AKR1C8: variants seen among roughly 807,000 people sequenced by gnomAD.
The protein encoded by AKR1C8 is aldo-keto reductase family 1 member C-like protein 1.
the AKR1C8 span, among the ~76,000 whole-genome samples, chr10:5,120,136 G>A: frequency 6.6e-6 from 1 of 152,194 alleles, no homozygotes; most frequent in Non-Finnish European, 1.5e-5. Context: ...GCAAACAATA[G>A]CATGAGCGAT....
chr10:5,175,217 T>G, the AKR1C8 span, among the ~76,000 whole-genome samples: 1 of 148,248 alleles, frequency 6.7e-6, no homozygotes, highest in Non-Finnish European at 1.5e-5. Flanking sequence ...TGACTGAGAA[T>G]GTGCGATGTT....
chr10:5,143,565 A>G, the AKR1C8 span, among the ~76,000 whole-genome samples: 2 of 152,100 alleles, frequency 1.3e-5, no homozygotes, highest in Admixed American at 6.6e-5. Flanking sequence ...AAATGAGGCA[A>G]TCCCTCAAAT....
the AKR1C8 span, chr10:5,123,872 A>G: frequency 1.9e-6 from 3 of 1,539,886 alleles, no homozygotes; most frequent in East Asian, 2.3e-5. Flanking sequence ...CAGTTATGTT[A>G]ATATAAAAAG....
chr10:5,125,709 C>A, the AKR1C8 span, among the ~76,000 whole-genome samples: 1 of 152,208 alleles, frequency 6.6e-6, no homozygotes, highest in Non-Finnish European at 1.5e-5. Flanking sequence ...AGAAAGCCAA[C>A]ACAAAATGGC....
the AKR1C8 span, chr10:5,135,206 AC>A: frequency 4.4e-6 from 1 of 224,790 alleles, no homozygotes; most frequent in Non-Finnish European, 9.9e-6. Flanking sequence ...TTAGCTCCAC[AC>A]ACTGATATTT....
chr10:5,155,882 G>C, the AKR1C8 span: 13 of 355,660 alleles, frequency 3.7e-5, no homozygotes, highest in South Asian at 1.9e-4. Context: ...ATCCTCATCA[G>C]CTTCCAGGTG....
chr10:5,132,853 C>T, the AKR1C8 span: 1 of 593,878 alleles, frequency 1.7e-6, no homozygotes, highest in Non-Finnish European at 2.8e-6. Flanking sequence ...TCACAAAAAT[C>T]ACATTATTCT....
the AKR1C8 span, among the ~76,000 whole-genome samples, chr10:5,125,340 T>TA: frequency 3.8e-4 from 58 of 152,138 alleles, no homozygotes; most frequent in Admixed American, 3.8e-3. Context: ...GTTGTACTGT[T>TA]ACTGGGAGAA....
chr10:5,159,284 G>A, the AKR1C8 span, among the ~76,000 whole-genome samples: 3 of 152,312 alleles, frequency 2.0e-5, no homozygotes, highest in South Asian at 6.2e-4. Context: ...CAATTTACAG[G>A]AAGTACAAAA....
the AKR1C8 span, among the ~76,000 whole-genome samples, chr10:5,119,698 A>G: frequency 1.3e-5 from 2 of 152,184 alleles, no homozygotes; most frequent in Non-Finnish European, 1.5e-5. Context: ...CACCAAATAC[A>G]GAGATCCTCT....
the AKR1C8 span, chr10:5,157,650 G>C: frequency 2.1e-6 from 1 of 472,068 alleles, no homozygotes; most frequent in Non-Finnish European, 4.4e-6. Context: ...AGTTCTCTTT[G>C]ATTCTCTCCT....
At chr10:5,164,326 A>G in the AKR1C8 span, among the ~76,000 whole-genome samples, 2 of 151,832 alleles carry the variant, frequency 1.3e-5, no homozygotes, top group African/African-American at 2.4e-5. Flanking sequence ...CCCCCTCTCT[A>G]CTATAGAGAG....
chr10:5,136,232 T>G, the AKR1C8 span, among the ~76,000 whole-genome samples: 18 of 152,154 alleles, frequency 1.2e-4, no homozygotes, highest in African/African-American at 4.3e-4. Context: ...TACTTGTGTC[T>G]CTCTTTGGAG....
the AKR1C8 span, among the ~76,000 whole-genome samples, chr10:5,144,430 T>C: frequency 1.3e-5 from 2 of 152,104 alleles, no homozygotes; most frequent in Non-Finnish European, 2.9e-5. Flanking sequence ...GGTAGCTTGA[T>C]GGGGATGGCA....
the AKR1C8 span, among the ~76,000 whole-genome samples, chr10:5,115,816 ATT>A: frequency 6.6e-6 from 1 of 151,972 alleles, no homozygotes; most frequent in African/African-American, 2.4e-5. Flanking sequence ...TAAAATGAAG[ATT>A]TTTTTTAGTA....
chr10:5,136,629 T>G, the AKR1C8 span, among the ~76,000 whole-genome samples: 25 of 152,216 alleles, frequency 1.6e-4, no homozygotes, highest in Non-Finnish European at 3.4e-4. Flanking sequence ...CTTAATGTGC[T>G]TTGCTATGTG....
the AKR1C8 span, among the ~76,000 whole-genome samples, chr10:5,160,459 G>A: frequency 6.6e-6 from 1 of 152,114 alleles, no homozygotes; most frequent in Admixed American, 6.5e-5. Flanking sequence ...CCCTCCTGCT[G>A]AGTCAGTCCG....
the AKR1C8 span, among the ~76,000 whole-genome samples, chr10:5,147,473 T>A: frequency 8.5e-4 from 130 of 152,284 alleles, no homozygotes; most frequent in African/African-American, 2.9e-3. Context: ...TTATTTGCTT[T>A]TGAAGTACAA....
chr10:5,182,160 T>A, the AKR1C8 span, among the ~76,000 whole-genome samples: 1 of 152,182 alleles, frequency 6.6e-6, no homozygotes, highest in Non-Finnish European at 1.5e-5. Context: ...CTCTACCTGG[T>A]TCCTCTGAAA....
Sources: allele counts gnomAD v4.1 joint callset (sites outside exome capture counted in the v4.1 genomes callset), GRCh38; gene constraint gnomAD v4.1.1; transcripts MANE v1.5; gene names NCBI Gene and HGNC (gene_info 2026-07-23, HGNC 2026-07-21).